TP53BP2: variants seen among roughly 807,000 people sequenced by gnomAD.
TP53BP2 encodes apoptosis-stimulating of p53 protein 2.
TP53BP2 carries 62 observed loss-of-function variants against 126.2 expected under a neutral mutation model. The observed-to-expected ratio is 0.49, with a 90% confidence interval of 0.40 to 0.61. TP53BP2 has a LOEUF of 0.61. TP53BP2 is among the 20% of genes least tolerant of loss of function. The probability of loss-of-function intolerance (pLI) is 0.00; values close to 1 mark genes in which losing one functional copy is unlikely to be tolerated. For missense variants in TP53BP2, 1,215 were observed against 1,402.8 expected (o/e 0.87, Z 2.14); for synonymous variants, 485 against 502.9 (o/e 0.96, Z 0.48).
In TP53BP2 at chr1:223,796,343, A is replaced by G. The variant is rs892418356; in HGVS notation, c.2196T>C (p.Ser732=). 20 of 1,614,028 alleles carry G rather than the reference A, an allele frequency of 1.2e-5. No individual in the cohort carries two copies. Among genetic ancestry groups the G allele is most frequent in the Non-Finnish European group, 1.5e-5 (18 of 1,180,020 alleles). The change falls in exon 13 of 18, where the codon TCT becomes TCC. Residue 732 remains serine (S), a synonymous_variant. Coordinates refer to ENST00000343537, the MANE Select transcript of TP53BP2 (RefSeq NM_001031685.3). The surrounding 1 kb of genome is among the most constrained non-coding windows in gnomAD (Gnocchi z 4.2). ...ADLEALRKKL[S]NAPRPLKKRS... ...GTTTCTTTAGAGGCCTTGGTGCGTT[A>G]GACAGTTTCTTTCGTAAGGCTTCTA... is the stretch of plus-strand genomic sequence containing the variant.
chr1:223,819,092 G>A (rs1298517741), intron 2 of TP53BP2, among the ~76,000 whole-genome samples: 8 of 151,626 alleles, frequency 5.3e-5, no homozygotes, highest in Admixed American at 4.6e-4. Context: ...GCTGAGGCAG[G>A]AGAATTGCTT....
Position 223,800,954 on chromosome 1 carries a change from T to C in TP53BP2, c.1226-144A>G. On this transcript the variant is annotated intron_variant, in intron 9 of 17. Transcript: ENST00000343537. The stretch of plus-strand genomic sequence containing the variant: ...CAATAAATTTACTTAGAAAATACTG[T>C]ATTATATTTTATATTTCTAATTTAA... 3 of 542,210 alleles carry C rather than the reference T, an allele frequency of 5.5e-6. No homozygotes were observed. The South Asian group carries it at 7.6e-5, about 14-fold the overall frequency. 33.6% of individuals were successfully genotyped at this position (542,210 alleles called of 1,614,324 possible).
In TP53BP2 at chr1:223,843,053, T is replaced by A. The variant is rs150652672; in HGVS notation, c.27+2601A>T. The stretch of plus-strand genomic sequence containing the variant: ...TGCAGAGCTTGCTACTTATTTTTAG[T>A]TAGCCTTCTAAAATACATCTTCCAC... On this transcript the variant is annotated intron_variant, in intron 1 of 17. Coordinates refer to ENST00000343537, the MANE Select transcript of TP53BP2 (RefSeq NM_001031685.3). 2.3e-3 allele frequency among the ~76,000 whole-genome samples: 344 copies of A among 152,366 alleles called. 2 individuals are homozygous for A. Among genetic ancestry groups the A allele is most frequent in the African/African-American group, 8.0e-3 (332 of 41,586 alleles).
chr1:223,791,921 G>A (rs1398036835), intron 15 of TP53BP2, among the ~76,000 whole-genome samples: 3 of 151,942 alleles, frequency 2.0e-5, no homozygotes, highest in Non-Finnish European at 4.4e-5. Context: ...TTGCAGTACC[G>A]CTTGCGTTTT....
At position 223,845,581 on chromosome 1, in the gene TP53BP2, G is replaced by A. The variant is rs961945778; in HGVS notation, c.27+73C>T. The A allele has an allele frequency of 2.7e-6, 4 of 1,456,594 alleles. No homozygotes were observed. The Admixed American group carries it at 7.9e-5, about 29-fold the overall frequency. 90.2% of individuals were successfully genotyped at this position (1,456,594 alleles called of 1,614,324 possible). A position where few individuals can be genotyped will look rare whatever the true frequency, so the allele number is the denominator to read the frequency against. On this transcript the variant is annotated intron_variant, in intron 1 of 17. Coordinates refer to ENST00000343537, the MANE Select transcript of TP53BP2 (RefSeq NM_001031685.3). ...CAGGCTCCTTCCCCGACGCGCCCGAGGGCGCGGACCAGCCCCCGGCACGCG... is the reference window on the plus strand; with the variant it reads ...CAGGCTCCTTCCCCGACGCGCCCGAAGGCGCGGACCAGCCCCCGGCACGCG...
At chr1:223,809,726 T>TA (rs1662845551) in intron 4 of TP53BP2, among the ~76,000 whole-genome samples, 1 of 152,206 alleles carries the variant, frequency 6.6e-6, no homozygotes, top group Non-Finnish European at 1.5e-5. Flanking sequence ...AGCTAATCCC[T>TA]AATGGCACTA....
In TP53BP2 at chr1:223,803,405, C is replaced by T. The variant is rs1344908805; in HGVS notation, c.697G>A (p.Glu233Lys). Reference protein sequence around the residue: ...MNNLFQQKQRELVLAVSKVEE... With the variant: ...MNNLFQQKQRKLVLAVSKVEE... ...ACTTTTGACACAGCCAGGACGAGCT[C>T]CCTCTGTTTTTGCTGGAACAAATTA... is the stretch of plus-strand genomic sequence containing the variant. Residue 233 changes from glutamate to lysine, a missense_variant, in exon 7 of 18, where the codon GAG becomes AAG. By Grantham distance (56) the Glu-to-Lys change is moderately conservative. Around this residue, in one of 4 missense-constraint regions of TP53BP2, gnomAD observed 814 missense variants for 853.0 expected, o/e 0.95. Transcript: ENST00000343537. The T allele has an allele frequency of 1.2e-6, 2 of 1,613,776 alleles. No individual in the cohort carries two copies. Among genetic ancestry groups the T allele is most frequent in the Non-Finnish European group, 1.7e-6 (2 of 1,179,898 alleles).
At chr1:223,789,701 T>C (rs1471026005) in intron 15 of TP53BP2, among the ~76,000 whole-genome samples, 3 of 152,180 alleles carry the variant, frequency 2.0e-5, no homozygotes, top group Admixed American at 2.0e-4. Flanking sequence ...TTGAAAAAAT[T>C]TGTCAAATCA....
At chr1:223,787,861 G>C (rs2102833724) in intron 16 of TP53BP2, among the ~76,000 whole-genome samples, 1 of 152,182 alleles carries the variant, frequency 6.6e-6, no homozygotes, top group East Asian at 1.9e-4. Flanking sequence ...CTGAGTGACA[G>C]AGCAAGACCC....
chr1:223,805,642 C>T (rs2102856813), intron 5 of TP53BP2, among the ~76,000 whole-genome samples: 1 of 152,292 alleles, frequency 6.6e-6, no homozygotes, highest in South Asian at 2.1e-4. Flanking sequence ...TTTCAAAGCC[C>T]TATTGGGTAA....
chr1:223,845,105 T>C lies in TP53BP2; in HGVS notation c.27+549A>G, dbSNP rs766589906. 68 of 323,592 alleles carry C rather than the reference T, an allele frequency of 2.1e-4. 1 individual carries two copies. Among genetic ancestry groups the C allele is most frequent in the Non-Finnish European group, 2.8e-4 (62 of 225,262 alleles). 20.0% of individuals were successfully genotyped at this position (323,592 alleles called of 1,614,324 possible). A position where few individuals can be genotyped will look rare whatever the true frequency, so the allele number is the denominator to read the frequency against. ...TGGGAAACGAAGGGAGCCAGGCACG[T>C]ACGCTTTCCTGCAATCTAAAACTTC... On this transcript the variant is annotated intron_variant, in intron 1 of 17. Transcript: ENST00000343537.
Position 223,806,893 on chromosome 1 carries a change from G to A in TP53BP2, c.427C>T (p.Arg143Cys), listed in dbSNP as rs753184104. The change falls in exon 5 of 18, where the codon CGC becomes TGC. Residue 143 changes from arginine (R) to cysteine (C), a missense_variant. Transcript: ENST00000343537. ...TGGGCTTCAATCTGTTGCTGCTGGC[G>A]AGATGCCATTTCCTGAAGTTCAGCA... ...TLAELQEMAS[R>C]QQQQIEAQQQ... is the part of the protein sequence containing the mutation. The A allele has an allele frequency of 3.7e-6, 6 of 1,613,940 alleles. No individual in the cohort carries two copies. The highest frequency in any genetic ancestry group is 2.2e-5 in the South Asian group (2 of 91,068).
At chr1:223,781,739 G>A (rs1661785287) in intron 17 of TP53BP2, among the ~76,000 whole-genome samples, 1 of 151,904 alleles carries the variant, frequency 6.6e-6, no homozygotes. Flanking sequence ...CTGAAAAAAA[G>A]ACATTTAGCT....
rs192856876 is a variant in TP53BP2, at chr1:223,804,032, C to G, written c.649+142G>C. ...ACCATGGTGGCTTGCACCTGTAACC[C>G]CAGCTACTCAGGAGGCTGAGGTGGG... On this transcript the variant is annotated intron_variant, in intron 6 of 17. Coordinates refer to ENST00000343537, the MANE Select transcript of TP53BP2 (RefSeq NM_001031685.3). 2.2e-3 allele frequency: 1,784 copies of G among 808,020 alleles called. 18 individuals carry two copies. The highest frequency in any genetic ancestry group is 0.019 in the African/African-American group (1,112 of 57,472). The allele number at this position is 808,020 out of a possible 1,614,324, so 50.1% of individuals were successfully genotyped here.
chr1:223,802,463 G>C, intron 8 of TP53BP2, 119 bp from the exon 9 acceptor site: 1 of 1,075,200 alleles, frequency 9.3e-7, no homozygotes, highest in Non-Finnish European at 1.3e-6. Flanking sequence ...TCTAGCCATA[G>C]AGTCTACAAA....
chr1:223,810,328 C>T (rs1662868955), intron 4 of TP53BP2, 103 bp downstream of exon 4: 2 of 774,840 alleles, frequency 2.6e-6, no homozygotes, highest in Non-Finnish European at 3.8e-6. Flanking sequence ...AAAAAGCGGC[C>T]ATCCTTAGCC....
chr1:223,802,598 G>A (rs1662564611), intron 8 of TP53BP2, 133 bp downstream of exon 8: 16 of 1,136,872 alleles, frequency 1.4e-5, no homozygotes, highest in Non-Finnish European at 1.8e-5. Flanking sequence ...TGTCTTTTAA[G>A]GATCCATAAA....
At chr1:223,808,264 T>C (rs1027599199) in intron 4 of TP53BP2, among the ~76,000 whole-genome samples, 1 of 152,198 alleles carries the variant, frequency 6.6e-6, no homozygotes, top group African/African-American at 2.4e-5. Flanking sequence ...GGCTCACGCC[T>C]GTAATCCCAG....
chr1:223,834,593 C>T (rs1558110778), intron 1 of TP53BP2, among the ~76,000 whole-genome samples: 1 of 152,090 alleles, frequency 6.6e-6, no homozygotes, highest in Non-Finnish European at 1.5e-5. Context: ...CAGGGAATTC[C>T]ATTTCAATTA....
Sources: allele counts gnomAD v4.1 joint callset (sites outside exome capture counted in the v4.1 genomes callset), GRCh38; gene constraint gnomAD v4.1.1; regional missense constraint gnomAD v4.1.1; non-coding constraint Gnocchi (gnomAD v3.1); transcripts MANE v1.5; gene names NCBI Gene and HGNC (gene_info 2026-07-23, HGNC 2026-07-21).